GLT1D1: variants seen among roughly 807,000 people sequenced by gnomAD.
GLT1D1 encodes glycosyltransferase 1 domain-containing protein 1.
Under a neutral mutation model 28.7 loss-of-function variants are expected in GLT1D1, and 21 were observed. The observed-to-expected ratio is 0.73, with a 90% CI of 0.52 to 1.05. The LOEUF (loss-of-function observed/expected upper bound fraction) is 1.05, where lower values mean the gene tolerates loss of function less well. GLT1D1 is among the 50% of genes least tolerant of loss of function. The pLI is 0.00. For synonymous variants in GLT1D1, 147 were observed against 124.8 expected (o/e 1.18, Z -1.19); for missense variants, 343 against 330.6 (o/e 1.04, Z -0.29).
At chr12:128,904,260 C>T (rs61945025) in intron 4 of GLT1D1, among the ~76,000 whole-genome samples, 34,149 of 151,778 alleles carry the variant, frequency 0.22, 4,968 homozygotes, top group Non-Finnish European at 0.31. Context: ...GCCATTTTAC[C>T]TGCAAATGTA....
chr12:128,927,942 G>A lies in GLT1D1; in HGVS notation c.376-17384G>A, dbSNP rs1192084223. Among the ~76,000 whole-genome samples the A allele has an allele frequency of 6.2e-5, 8 of 128,158 alleles. No individual in the cohort carries two copies. In the East Asian group the frequency reaches 2.0e-3, roughly 31 times the overall value. 84.1% of individuals were successfully genotyped at this position (128,158 alleles called of 152,430 possible). ...TTGAACCCGAGAGGTGGAAGCTGCA[G>A]TGAGCCAAGGTCGCACCGCTGTACT... is the stretch of plus-strand genomic sequence containing the variant. On this transcript the variant is annotated intron_variant, in intron 4 of 7. Coordinates refer to ENST00000281703, the MANE Select transcript of GLT1D1 (RefSeq NM_144669.3).
chr12:128,976,121 G>T (rs1252278676), intron 7 of GLT1D1, among the ~76,000 whole-genome samples: 1 of 152,228 alleles, frequency 6.6e-6, no homozygotes, highest in Non-Finnish European at 1.5e-5. Context: ...TCCTCTTCTA[G>T]GCATTGAGGT....
intron 6 of GLT1D1, among the ~76,000 whole-genome samples, chr12:128,952,389 A>G (rs1474499499): frequency 7.6e-6 from 1 of 131,506 alleles, no homozygotes; most frequent in East Asian, 2.5e-4. Context: ...AGATAGAGGT[A>G]ATCAAGTTAG....
intron 7 of GLT1D1, among the ~76,000 whole-genome samples, chr12:128,964,709 C>T (rs550744290): frequency 1.1e-4 from 16 of 152,282 alleles, no homozygotes; most frequent in African/African-American, 2.4e-4. Context: ...CCTGGAGACT[C>T]GTCACCCTGG....
chr12:128,973,378 A>G, intron 7 of GLT1D1, among the ~76,000 whole-genome samples: 1 of 134,782 alleles, frequency 7.4e-6, no homozygotes, highest in African/African-American at 2.8e-5. Flanking sequence ...ATTTTTGTAG[A>G]GACGGGGTTT....
chr12:128,969,459 C>T (rs959843884), intron 7 of GLT1D1, among the ~76,000 whole-genome samples: 4 of 152,186 alleles, frequency 2.6e-5, no homozygotes, highest in African/African-American at 7.2e-5. Flanking sequence ...GGAAGAGAAG[C>T]CCCTGGCTGA....
At chr12:128,902,486 C>CA (rs34061462) in intron 4 of GLT1D1, among the ~76,000 whole-genome samples, 61,393 of 131,022 alleles carry the variant, frequency 0.47, 13,930 homozygotes, top group South Asian at 0.54. Context: ...AATTCTGTCT[C>CA]AAAAAAAAAA....
chr12:128,908,393 TC>T (rs1871151079), intron 4 of GLT1D1, among the ~76,000 whole-genome samples: 1 of 102,636 alleles, frequency 9.7e-6, no homozygotes, highest in Non-Finnish European at 2.1e-5. Flanking sequence ...TCTTTCTTTC[TC>T]TCTCTCTCTC....
intron 2 of GLT1D1, among the ~76,000 whole-genome samples, chr12:128,882,144 T>C (rs964207625): frequency 1.6e-4 from 24 of 152,188 alleles, no homozygotes; most frequent in Non-Finnish European, 2.6e-4. Context: ...GGAAGTTTGC[T>C]TTTCTGTTTA....
chr12:128,894,705 C>T (rs188466294), intron 3 of GLT1D1, among the ~76,000 whole-genome samples: 1 of 151,784 alleles, frequency 6.6e-6, no homozygotes, highest in African/African-American at 2.4e-5. Context: ...AAAAAATTAG[C>T]CGAGCATGGT....
At chr12:128,945,861 T>C (rs775481752) in intron 5 of GLT1D1, among the ~76,000 whole-genome samples, 6 of 152,222 alleles carry the variant, frequency 3.9e-5, no homozygotes, top group Non-Finnish European at 7.3e-5. Context: ...TTCCTCAGCC[T>C]GTGGCTCCCA....
chr12:128,960,982 AT>A (rs1170157121), intron 7 of GLT1D1, among the ~76,000 whole-genome samples: 2 of 152,214 alleles, frequency 1.3e-5, no homozygotes, highest in African/African-American at 4.8e-5. Context: ...ATATAAAAAG[AT>A]GAAGTTCAAC....
chr12:128,884,957 G>A (rs1026439022), intron 2 of GLT1D1, among the ~76,000 whole-genome samples: 11 of 136,644 alleles, frequency 8.1e-5, no homozygotes, highest in African/African-American at 3.0e-4. Context: ...ATCTTGCTGT[G>A]TTTCCCAGGC....
At chr12:128,908,805 C>T (rs549798913) in intron 4 of GLT1D1, among the ~76,000 whole-genome samples, 7 of 152,054 alleles carry the variant, frequency 4.6e-5, no homozygotes, top group Admixed American at 2.6e-4. Context: ...AAAAATTAGC[C>T]GGGCGTGGTG....
rs997345920 is a variant in GLT1D1 at position 128,857,042 on chromosome 12, A to G, written c.68+3393A>G. 7.9e-5 allele frequency among the ~76,000 whole-genome samples: 12 copies of G among 152,358 alleles called. No homozygotes were observed. The East Asian group carries it at 1.7e-3, about 22-fold the overall frequency. On this transcript the variant is annotated intron_variant, in intron 1 of 7. Transcript: ENST00000281703. ...GGCACAGAGTTAGAAGCTTCAGGCA[A>G]AAAGGAAATATTACCTGTTATTTAA...
chr12:128,857,764 AG>A (rs1187006397), intron 1 of GLT1D1, among the ~76,000 whole-genome samples: 18 of 152,230 alleles, frequency 1.2e-4, no homozygotes. Context: ...GGTCAGAATT[AG>A]GTAAGACTGA....
intron 7 of GLT1D1, among the ~76,000 whole-genome samples, chr12:128,979,100 AC>A (rs1183592965): frequency 6.6e-6 from 1 of 152,164 alleles, no homozygotes; most frequent in Non-Finnish European, 1.5e-5. Context: ...GCCTCAGTTT[AC>A]CCAGCTGCTA....
At chr12:128,955,734 G>A (rs1877209300) in intron 6 of GLT1D1, among the ~76,000 whole-genome samples, 1 of 151,938 alleles carries the variant, frequency 6.6e-6, no homozygotes, top group Admixed American at 6.6e-5. Context: ...GGGACTCCAC[G>A]CAGGTGATGT....
intron 1 of GLT1D1, 24 bp from the exon 2 acceptor site, chr12:128,875,890 C>T (rs748679664): frequency 6.2e-6 from 10 of 1,604,864 alleles, no homozygotes; most frequent in Non-Finnish European, 8.5e-6. Context: ...TCATCTTCTC[C>T]TTTCTCTGTA....
Sources: allele counts gnomAD v4.1 joint callset (sites outside exome capture counted in the v4.1 genomes callset), GRCh38; gene constraint gnomAD v4.1.1; transcripts MANE v1.5; gene names NCBI Gene and HGNC (gene_info 2026-07-23, HGNC 2026-07-21).